PHF24: variants seen among roughly 807,000 people sequenced by gnomAD.
PHF24 encodes the protein PHD finger protein 24.
PHF24 carries 25 observed loss-of-function variants against 42.6 expected under a neutral mutation model. The observed-to-expected ratio is 0.59, with a 90% CI of 0.43 to 0.82. The LOEUF is 0.82. Among genes scored for constraint, PHF24 ranks in the 40% least tolerant of loss-of-function variants. The pLI, the probability that PHF24 is intolerant of heterozygous loss-of-function variation, is 0.00. For missense variants in PHF24, 470 were observed against 538.1 expected, an observed-to-expected ratio of 0.87 and a Z score of 1.25; for synonymous variants, 185 against 204.8, an observed-to-expected ratio of 0.90 and a Z score of 0.83.
chr9:34,753,542 T>C, the PHF24 span, among the ~76,000 whole-genome samples: 1 of 152,146 alleles, frequency 6.6e-6, no homozygotes, highest in Non-Finnish European at 1.5e-5. Flanking sequence ...AAAAGCTCCA[T>C]GTTGTTAAAA....
the PHF24 span, among the ~76,000 whole-genome samples, chr9:34,822,032 A>G: frequency 6.6e-6 from 1 of 152,220 alleles, no homozygotes; most frequent in East Asian, 1.9e-4. Flanking sequence ...CTTATAGCCT[A>G]AAAACATTAG....
the PHF24 span, among the ~76,000 whole-genome samples, chr9:34,754,930 G>A: frequency 6.6e-6 from 1 of 152,172 alleles, no homozygotes; most frequent in Non-Finnish European, 1.5e-5. Context: ...AAGTCATTAT[G>A]TTAAGTGAAA....
At chr9:34,768,099 T>C in the PHF24 span, among the ~76,000 whole-genome samples, 1 of 152,182 alleles carries the variant, frequency 6.6e-6, no homozygotes, top group Non-Finnish European at 1.5e-5. Context: ...ATTGCATCTA[T>C]CTCCTCTGCT....
At chr9:34,821,699 A>G in the PHF24 span, among the ~76,000 whole-genome samples, 2 of 152,220 alleles carry the variant, frequency 1.3e-5, no homozygotes, top group Admixed American at 6.5e-5. Context: ...CACTAAGATC[A>G]GTGACAGCAG....
At chr9:34,973,337 C>T (rs1403018514) in intron 3 of PHF24, among the ~76,000 whole-genome samples, 1 of 152,198 alleles carries the variant, frequency 6.6e-6, no homozygotes, top group African/African-American at 2.4e-5. Context: ...TGCCACCTGA[C>T]TCATAAGCAT....
At chr9:34,796,141 T>TTGATCATCCATATACATG in the PHF24 span, among the ~76,000 whole-genome samples, 1 of 152,270 alleles carries the variant, frequency 6.6e-6, no homozygotes, top group Admixed American at 6.5e-5. Flanking sequence ...TCAACTAGTG[T>TTGATCATCCATATACATG]TGATCATCCA....
At chr9:34,858,626 G>T in the PHF24 span, among the ~76,000 whole-genome samples, 2 of 152,236 alleles carry the variant, frequency 1.3e-5, no homozygotes, top group African/African-American at 2.4e-5. Context: ...GAGCCCAAGG[G>T]TGCTGACTTG....
the PHF24 span, among the ~76,000 whole-genome samples, chr9:34,746,903 A>G: frequency 6.6e-6 from 1 of 152,194 alleles, no homozygotes; most frequent in Non-Finnish European, 1.5e-5. Flanking sequence ...TATAACATAG[A>G]AGACTATCTT....
the PHF24 span, chr9:34,723,264 C>G: frequency 3.2e-6 from 5 of 1,551,674 alleles, no homozygotes; most frequent in Non-Finnish European, 4.4e-6. Flanking sequence ...TTGGCACAAG[C>G]CTCTCGAGGA....
the PHF24 span, among the ~76,000 whole-genome samples, chr9:34,907,877 C>G: frequency 1.3e-5 from 2 of 151,988 alleles, no homozygotes; most frequent in African/African-American, 4.8e-5. Flanking sequence ...GAGTCTTGCT[C>G]TGTCACCCAG....
At chr9:34,701,626 T>A in the PHF24 span, among the ~76,000 whole-genome samples, 1 of 152,000 alleles carries the variant, frequency 6.6e-6, no homozygotes, top group East Asian at 1.9e-4. The surrounding 1 kb of genome is among the most constrained non-coding windows in gnomAD (Gnocchi z 5.8). Flanking sequence ...GGCCCCGCCG[T>A]CCCTGGGGTC....
At chr9:34,823,837 AC>A in the PHF24 span, among the ~76,000 whole-genome samples, 1 of 152,100 alleles carries the variant, frequency 6.6e-6, no homozygotes, top group South Asian at 2.1e-4. Context: ...CTTCAGCCCT[AC>A]CTGTGATGAT....
At chr9:34,825,291 C>T in the PHF24 span, among the ~76,000 whole-genome samples, 1 of 145,418 alleles carries the variant, frequency 6.9e-6, no homozygotes, top group Non-Finnish European at 1.6e-5. Context: ...AGAGGACTCT[C>T]TTCCTGACCC....
the PHF24 span, among the ~76,000 whole-genome samples, chr9:34,936,640 C>T: frequency 6.6e-6 from 1 of 151,772 alleles, no homozygotes; most frequent in Non-Finnish European, 1.5e-5. Flanking sequence ...CTCTTCCCGG[C>T]CGCCATCCCA....
intron 3 of PHF24, among the ~76,000 whole-genome samples, chr9:34,975,183 A>G (rs1827143181): frequency 6.6e-6 from 1 of 152,108 alleles, no homozygotes. Context: ...GATAAAGGGT[A>G]TTGGAGGTAC....
the PHF24 span, among the ~76,000 whole-genome samples, chr9:34,806,454 T>C: frequency 6.6e-6 from 1 of 152,140 alleles, no homozygotes; most frequent in Non-Finnish European, 1.5e-5. Flanking sequence ...TGTTTTGGGG[T>C]TTTTTGTGTG....
chr9:34,770,320 C>T, the PHF24 span, among the ~76,000 whole-genome samples: 1 of 152,106 alleles, frequency 6.6e-6, no homozygotes, highest in Non-Finnish European at 1.5e-5. Flanking sequence ...ATTAAAATCA[C>T]ACCTTTTTTC....
At chr9:34,865,645 A>G in the PHF24 span, among the ~76,000 whole-genome samples, 1 of 152,176 alleles carries the variant, frequency 6.6e-6, no homozygotes, top group African/African-American at 2.4e-5. Context: ...AAAACATACA[A>G]TGGATACACA....
the PHF24 span, among the ~76,000 whole-genome samples, chr9:34,858,256 C>T: frequency 6.6e-6 from 1 of 152,022 alleles, no homozygotes; most frequent in African/African-American, 2.4e-5. Context: ...ATATTTCAAT[C>T]TTTGCTGACT....
Sources: gnomAD v4.1 joint callset for allele counts (sites outside exome capture counted in the v4.1 genomes callset) on GRCh38, gnomAD v4.1.1 for gene constraint, Gnocchi (gnomAD v3.1) non-coding constraint, MANE v1.5 for transcripts, NCBI Gene and HGNC (gene_info 2026-07-23, HGNC 2026-07-21) for gene names.